Variants in GPC5 observed in about 807,000 individuals in gnomAD.
GPC5 encodes the protein glypican-5.
GPC5 carries 47 observed loss-of-function variants against 53.9 expected under a neutral mutation model. That is an observed-to-expected ratio of 0.87 (90% confidence interval 0.69 to 1.11). The LOEUF (loss-of-function observed/expected upper bound fraction) is 1.11, where lower values mean the gene tolerates loss of function less well. Among genes scored for constraint, GPC5 ranks in the 50% most tolerant of loss-of-function variants. The probability of loss-of-function intolerance (pLI) is 0.00; values close to 1 mark genes in which losing one functional copy is unlikely to be tolerated. For synonymous variants in GPC5, 286 were observed against 263.3 expected (o/e 1.09, Z -0.84); for missense variants, 748 against 713.1 (o/e 1.05, Z -0.56).
chr13:92,807,354 G>T (rs1289430696), intron 7 of GPC5, among the ~76,000 whole-genome samples: 4 of 152,044 alleles, frequency 2.6e-5, no homozygotes, highest in Admixed American at 1.3e-4. Context: ...GGCCATCTGT[G>T]TAGCTTGTTC....
intron 6 of GPC5, among the ~76,000 whole-genome samples, chr13:91,963,949 C>T (rs1368835230): frequency 1.3e-5 from 2 of 152,074 alleles, no homozygotes; most frequent in African/African-American, 4.8e-5. Flanking sequence ...TTGTGGAAGA[C>T]AGTGTGGGGA....
At chr13:92,197,348 G>A (rs932763358) in intron 7 of GPC5, among the ~76,000 whole-genome samples, 5 of 152,108 alleles carry the variant, frequency 3.3e-5, no homozygotes, top group Non-Finnish European at 7.3e-5. Flanking sequence ...TCTATAGAAC[G>A]TCTATACCTA....
chr13:92,006,473 C>T (rs2040607757), intron 6 of GPC5, among the ~76,000 whole-genome samples: 1 of 152,076 alleles, frequency 6.6e-6, no homozygotes, highest in African/African-American at 2.4e-5. Context: ...TATTGATTTC[C>T]TTTTAGCTTG....
At chr13:91,590,361 C>T (rs1047584801) in intron 2 of GPC5, among the ~76,000 whole-genome samples, 5 of 151,960 alleles carry the variant, frequency 3.3e-5, no homozygotes, top group African/African-American at 1.2e-4. Flanking sequence ...CAATAACATT[C>T]GATTTTCTTC....
chr13:91,450,945 T>C lies in GPC5; in HGVS notation c.325+2023T>C, dbSNP rs1881135376. ...ATTGAATAAGTAGCTTTAGGCTTAT[T>C]TCCTTAAAAACAAGCTTAAATATAT... On this transcript the variant is annotated intron_variant, in intron 2 of 7. Transcript: ENST00000377067. Among the ~76,000 whole-genome samples, 3 of 152,206 alleles carry C rather than the reference T, an allele frequency of 2.0e-5. No individual in the cohort carries two copies. The South Asian group carries it at 6.2e-4, about 31-fold the overall frequency.
chr13:92,094,378 G>T (rs2138901394), intron 6 of GPC5, among the ~76,000 whole-genome samples: 1 of 152,052 alleles, frequency 6.6e-6, no homozygotes, highest in Middle Eastern at 3.4e-3. Context: ...AAATTAGCCA[G>T]GTGTGGTGGC....
intron 7 of GPC5, among the ~76,000 whole-genome samples, chr13:92,147,962 G>T (rs979078863): frequency 1.3e-5 from 2 of 152,034 alleles, no homozygotes; most frequent in African/African-American, 4.8e-5. Flanking sequence ...GTTTTAGATG[G>T]TCTTAATGAC....
rs548465464 is a variant in GPC5 at position 92,779,452 on chromosome 13, A to G, written c.1562-86830A>G. ...TTCAAATTTCAGTACTACCTGCGAA[A>G]AAAAAAATGTGACTCTACATGTTTT... On this transcript the variant is annotated intron_variant, in intron 7 of 7. Coordinates refer to ENST00000377067, the MANE Select transcript of GPC5 (RefSeq NM_004466.6). 2.0e-5 allele frequency among the ~76,000 whole-genome samples: 3 copies of G among 152,292 alleles called. No individual in the cohort carries two copies. In the East Asian group the frequency reaches 5.8e-4, roughly 29 times the overall value.
At chr13:91,936,699 A>C (rs937861549) in intron 6 of GPC5, among the ~76,000 whole-genome samples, 5 of 151,988 alleles carry the variant, frequency 3.3e-5, no homozygotes, top group African/African-American at 7.2e-5. Context: ...CCAGGATCTC[A>C]AATAGATATC....
intron 5 of GPC5, among the ~76,000 whole-genome samples, chr13:91,830,330 A>C (rs1174721585): frequency 6.6e-6 from 1 of 151,998 alleles, no homozygotes; most frequent in Non-Finnish European, 1.5e-5. Flanking sequence ...CATTGCTGTT[A>C]TCCTGTTCTT....
At chr13:92,031,678 TATA>T (rs1566402980) in intron 6 of GPC5, among the ~76,000 whole-genome samples, 2 of 95,748 alleles carry the variant, frequency 2.1e-5, no homozygotes, top group African/African-American at 1.0e-4. Flanking sequence ...GTATATATAA[TATA>T]TATATAGTAT....
intron 7 of GPC5, among the ~76,000 whole-genome samples, chr13:92,429,310 G>C (rs1367726567): frequency 6.6e-6 from 1 of 151,858 alleles, no homozygotes. Context: ...CTGTATGCAA[G>C]ATAGTCGCCA....
chr13:91,621,326 C>T (rs2033849411), intron 2 of GPC5, among the ~76,000 whole-genome samples: 1 of 152,058 alleles, frequency 6.6e-6, no homozygotes, highest in Non-Finnish European at 1.5e-5. Context: ...TAACAGCACA[C>T]ATATTTCTCA....
chr13:92,099,463 C>A (rs2041448308), intron 6 of GPC5, among the ~76,000 whole-genome samples: 1 of 152,136 alleles, frequency 6.6e-6, no homozygotes, highest in Admixed American at 6.6e-5. Flanking sequence ...CTTCTTTACA[C>A]TTTTTAAATA....
intron 7 of GPC5, among the ~76,000 whole-genome samples, chr13:92,529,611 C>T (rs1566278290): frequency 6.6e-6 from 1 of 152,160 alleles, no homozygotes; most frequent in Non-Finnish European, 1.5e-5. Context: ...GCTCTGCCCA[C>T]TCCAACCTCC....
At chr13:92,544,951 G>T (rs1882051682) in intron 7 of GPC5, among the ~76,000 whole-genome samples, 1 of 151,438 alleles carries the variant, frequency 6.6e-6, no homozygotes, top group Non-Finnish European at 1.5e-5. Flanking sequence ...TAAGTTTTAG[G>T]GTACCTGTGC....
intron 6 of GPC5, among the ~76,000 whole-genome samples, chr13:91,970,476 G>A (rs973620961): frequency 1.3e-5 from 2 of 151,504 alleles, no homozygotes; most frequent in African/African-American, 4.9e-5. Flanking sequence ...AGCTATGTGA[G>A]ATTATAGATA....
intron 6 of GPC5, among the ~76,000 whole-genome samples, chr13:92,108,950 T>C (rs1378699602): frequency 6.6e-6 from 1 of 152,106 alleles, no homozygotes; most frequent in African/African-American, 2.4e-5. Flanking sequence ...CCTTAGTTCA[T>C]CTTTTCCACA....
intron 4 of GPC5, among the ~76,000 whole-genome samples, chr13:91,755,327 T>C (rs2037266427): frequency 6.6e-6 from 1 of 152,162 alleles, no homozygotes; most frequent in Admixed American, 6.5e-5. Flanking sequence ...ACATTTTAAC[T>C]GCATATTCCA....
Sources: gnomAD v4.1 joint callset for allele counts (sites outside exome capture counted in the v4.1 genomes callset) on GRCh38, gnomAD v4.1.1 for gene constraint, MANE v1.5 for transcripts, NCBI Gene and HGNC (gene_info 2026-07-23, HGNC 2026-07-21) for gene names.